PAQR5: variants seen among roughly 807,000 people sequenced by gnomAD.
PAQR5 encodes membrane progestin receptor gamma.
PAQR5 carries 20 observed loss-of-function variants against 34.5 expected under a neutral mutation model. The observed-to-expected ratio is 0.58, with a 90% CI of 0.41 to 0.84. The LOEUF is 0.84. Among genes scored for constraint, PAQR5 ranks in the 40% least tolerant of loss-of-function variants. PAQR5 has a pLI of 0.00. For missense variants in PAQR5, 378 were observed against 412.7 expected (o/e 0.92, Z 0.73); for synonymous variants, 131 against 155.6 (o/e 0.84, Z 1.18).
intron 2 of PAQR5, among the ~76,000 whole-genome samples, chr15:69,359,075 G>C (rs2055159529): frequency 1.3e-5 from 2 of 152,132 alleles, no homozygotes; most frequent in African/African-American, 4.8e-5. Context: ...CGTCTGGTGA[G>C]GGCCCATTCC....
At chr15:69,383,817 CTTTGTGT>C (rs2056009396) in intron 4 of PAQR5, among the ~76,000 whole-genome samples, 1 of 24,610 alleles carries the variant, frequency 4.1e-5, no homozygotes, top group African/African-American at 2.2e-4. Flanking sequence ...GTGAGTGGGC[CTTTGTGT>C]TCATGGTGGA....
At chr15:69,377,771 A>G (rs1051724478) in intron 3 of PAQR5, among the ~76,000 whole-genome samples, 1 of 152,050 alleles carries the variant, frequency 6.6e-6, no homozygotes, top group Non-Finnish European at 1.5e-5. Flanking sequence ...GATTTGACTC[A>G]TTACTCTGGC....
chr15:69,354,961 A>G (rs1232959033), intron 2 of PAQR5, among the ~76,000 whole-genome samples: 1 of 151,924 alleles, frequency 6.6e-6, no homozygotes, highest in African/African-American at 2.4e-5. Context: ...TAGGACTTGC[A>G]CCTCCACCCC....
At position 69,379,898 on chromosome 15, in the gene PAQR5, G is replaced by A; in HGVS notation, c.67G>A (p.Gly23Ser). Reference sequence around the variant, plus strand: ...GCCTCTGCAGGTGTTCCATGAGCAAGGCATCCTGTTCGGCTACCGCCATCC... The same window carrying A: ...GCCTCTGCAGGTGTTCCATGAGCAAAGCATCCTGTTCGGCTACCGCCATCC... The part of the protein sequence containing the change: ...DQIPQVFHEQ[G>S]ILFGYRHPQS... The change falls in exon 4 of 9, where the codon GGC (glycine) becomes AGC (serine). Residue 23 changes from glycine (G) to serine (S), a missense_variant. Transcript: ENST00000395407. The A allele has an allele frequency of 1.2e-6, 2 of 1,614,014 alleles. No individual in the cohort carries two copies. Among genetic ancestry groups the A allele is most frequent in the Non-Finnish European group, 8.5e-7 (1 of 1,180,002 alleles).
At chr15:69,301,859 ATTTTTTTTTTTTTTTTTTTTTT>A (rs71149903) in intron 1 of PAQR5, among the ~76,000 whole-genome samples, 11 of 98,864 alleles carry the variant, frequency 1.1e-4, no homozygotes, top group Non-Finnish European at 1.3e-4. Flanking sequence ...ATGGGGGGAG[ATTTTTTTTTTTTTTTTTTTTTT>A]TTTTTTTTTT....
In PAQR5 at chr15:69,401,634, C is replaced by T. The variant is rs537454953; in HGVS notation, c.751+1519C>T. Among the ~76,000 whole-genome samples the T allele has an allele frequency of 2.6e-5, 4 of 152,298 alleles. No homozygotes were observed. The South Asian group carries it at 8.3e-4, about 32-fold the overall frequency. ...AACATTTTATTCACCTCTGTCCCAT[C>T]CTCTTGGGCCTAGGGGTACAGAGCT... On this transcript the variant is annotated intron_variant, in intron 8 of 8. Coordinates refer to ENST00000395407, the MANE Select transcript of PAQR5 (RefSeq NM_017705.4).
At chr15:69,350,147 C>T (rs990256022) in intron 2 of PAQR5, among the ~76,000 whole-genome samples, 8 of 152,232 alleles carry the variant, frequency 5.3e-5, no homozygotes, top group Non-Finnish European at 1.0e-4. Context: ...GCAGGGGCCG[C>T]GTGGCGGCAC....
In PAQR5 at chr15:69,318,896, C is replaced by T. The variant is rs933668850; in HGVS notation, c.-276-18445C>T. 4.0e-5 allele frequency among the ~76,000 whole-genome samples: 6 copies of T among 151,484 alleles called. No homozygotes were observed. The South Asian group carries it at 6.2e-4, about 16-fold the overall frequency. ...CTGTAATCCCAGCACTTTGGGAGGC[C>T]GAGGCAGGTGGATCACCACCTAAGG... On this transcript the variant is annotated intron_variant, in intron 1 of 8. Coordinates refer to ENST00000395407, the MANE Select transcript of PAQR5 (RefSeq NM_017705.4).
intron 2 of PAQR5, among the ~76,000 whole-genome samples, chr15:69,350,529 G>A (rs1480762188): frequency 1.3e-5 from 2 of 152,122 alleles, no homozygotes; most frequent in African/African-American, 4.8e-5. Context: ...TGTAGTCCCA[G>A]CTACTTTGGA....
At position 69,403,751 on chromosome 15, in the gene PAQR5, A is replaced by G; in HGVS notation, c.922A>G (p.Ser308Gly). ...ACTTCTGTGCATCATCTTCAGCCTCAGCAACATAATTTATTTCTCAGCTGC... is the reference window on the plus strand; with the variant it reads ...ACTTCTGTGCATCATCTTCAGCCTCGGCAACATAATTTATTTCTCAGCTGC... ...AILLCIIFSL[S>G]NIIYFSAALY... Residue 308 changes from serine (S) to glycine (G), a missense_variant, in exon 9 of 9, where the codon AGC (serine) becomes GGC (glycine). Coordinates refer to ENST00000395407, the MANE Select transcript of PAQR5 (RefSeq NM_017705.4). 6.2e-7 allele frequency: 1 copy of G among 1,614,136 alleles called. No homozygotes were observed. Among genetic ancestry groups the G allele is most frequent in the Non-Finnish European group, 8.5e-7 (1 of 1,179,966 alleles).
chr15:69,344,546 A>T (rs546967087), intron 2 of PAQR5, among the ~76,000 whole-genome samples: 1 of 152,362 alleles, frequency 6.6e-6, no homozygotes, highest in East Asian at 1.9e-4. Context: ...ATTAAAACTA[A>T]CATTTTCATA....
At chr15:69,372,512 C>T (rs2055591950) in intron 3 of PAQR5, among the ~76,000 whole-genome samples, 1 of 152,174 alleles carries the variant, frequency 6.6e-6, no homozygotes, top group Admixed American at 6.5e-5. Flanking sequence ...CACTGCACTC[C>T]ACCCTGGGTG....
intron 2 of PAQR5, among the ~76,000 whole-genome samples, chr15:69,345,541 T>G (rs367950921): frequency 2.0e-5 from 3 of 152,306 alleles, no homozygotes; most frequent in African/African-American, 4.8e-5. Context: ...TAATTTTGCT[T>G]GGTCTCAAAT....
chr15:69,355,165 A>ATC (rs111764681), intron 2 of PAQR5, among the ~76,000 whole-genome samples: 3,559 of 145,150 alleles, frequency 0.025, 90 homozygotes, highest in East Asian at 0.12. Flanking sequence ...CCTGTCACCC[A>ATC]TCTCTCTCTC....
In PAQR5 at chr15:69,337,374, G is replaced by A. The variant is rs2054536395; in HGVS notation, c.-243G>A. On this transcript the variant is annotated 5_prime_UTR_variant, in exon 2 of 9. Coordinates refer to ENST00000395407, the MANE Select transcript of PAQR5 (RefSeq NM_017705.4). ...TGGAGAAACTGGGCATTTTACCAAGGATTTGACTGGAATGGCATGCTTCCT... is the reference window on the plus strand; with the variant it reads ...TGGAGAAACTGGGCATTTTACCAAGAATTTGACTGGAATGGCATGCTTCCT... 6.6e-6 allele frequency: 1 copy of A among 152,250 alleles called. No individual in the cohort carries two copies. The allele number at this position is 152,250 out of a possible 1,614,324, so 9.4% of individuals were successfully genotyped here.
intron 1 of PAQR5, among the ~76,000 whole-genome samples, chr15:69,306,187 C>T (rs7173363): frequency 0.16 from 24,412 of 151,352 alleles, 2,104 homozygotes; most frequent in South Asian, 0.27. Flanking sequence ...AGCTGTGTTG[C>T]GGGGAATTGG....
At chr15:69,390,829 GTTT>G (rs113062143) in intron 6 of PAQR5, among the ~76,000 whole-genome samples, 1 of 142,886 alleles carries the variant, frequency 7.0e-6, no homozygotes, top group Non-Finnish European at 1.5e-5. Context: ...AATTCCCACT[GTTT>G]TTTTTTTTTT....
intron 5 of PAQR5, among the ~76,000 whole-genome samples, chr15:69,387,238 C>T (rs932610210): frequency 4.6e-5 from 7 of 152,232 alleles, no homozygotes; most frequent in South Asian, 2.1e-4. Flanking sequence ...TTGCCCGCCC[C>T]GGACTTGTTT....
At chr15:69,350,511 C>T (rs576359238) in intron 2 of PAQR5, among the ~76,000 whole-genome samples, 9 of 152,122 alleles carry the variant, frequency 5.9e-5, no homozygotes, top group African/African-American at 1.4e-4. Context: ...GGTGTGATGG[C>T]GCACACCTGT....
Sources: gnomAD v4.1 joint callset for allele counts (sites outside exome capture counted in the v4.1 genomes callset) on GRCh38, gnomAD v4.1.1 for gene constraint, MANE v1.5 for transcripts, NCBI Gene and HGNC (gene_info 2026-07-23, HGNC 2026-07-21) for gene names.